Variants in LDLRAD4 observed in about 807,000 individuals in gnomAD.
LDLRAD4 encodes low-density lipoprotein receptor class A domain-containing protein 4.
In LDLRAD4, 5 loss-of-function variants were observed where a neutral mutation model predicts 17.0. That is an observed-to-expected ratio of 0.29 (90% confidence interval 0.15 to 0.62). The LOEUF (loss-of-function observed/expected upper bound fraction) is 0.62. Among genes scored for constraint, LDLRAD4 ranks in the 20% least tolerant of loss-of-function variants. The probability of loss-of-function intolerance (pLI) is 0.84; values close to 1 mark genes in which losing one functional copy is unlikely to be tolerated. For synonymous variants in LDLRAD4, 168 were observed against 171.8 expected, an observed-to-expected ratio of 0.98 and a Z score of 0.17; for missense variants, 340 against 424.7, an observed-to-expected ratio of 0.80 and a Z score of 1.75.
chr18:13,322,891 C>T (rs1042127001), intron 1 of LDLRAD4, among the ~76,000 whole-genome samples: 1 of 151,770 alleles, frequency 6.6e-6, no homozygotes, highest in African/African-American at 2.4e-5. Flanking sequence ...TCCCAAATTG[C>T]TGGCATTACA....
At chr18:13,224,475 T>G (rs367990767) in intron 1 of LDLRAD4, among the ~76,000 whole-genome samples, 81 of 2,458 alleles carry the variant, frequency 0.033, no homozygotes, top group African/African-American at 0.038. Flanking sequence ...TCTTTCTTTC[T>G]TTTTTTTTTT....
At position 13,251,469 on chromosome 18, in the gene LDLRAD4, A is replaced by G. The variant is rs146342871; in HGVS notation, c.-466-26636A>G. On this transcript the variant is annotated intron_variant, in intron 1 of 5. Coordinates refer to the LDLRAD4 transcript ENST00000399848. ...CAAATGACATGATCTTATATAGAGA[A>G]AAACCTGAAGACTCTACCAAAAAGC... 6.9e-3 allele frequency among the ~76,000 whole-genome samples: 1,045 copies of G among 152,316 alleles called. 11 individuals are homozygous for G. The highest frequency in any genetic ancestry group is 0.024 in the African/African-American group (996 of 41,580).
intron 1 of LDLRAD4, among the ~76,000 whole-genome samples, chr18:13,238,930 CA>C (rs935467149): frequency 2.6e-5 from 4 of 152,014 alleles, no homozygotes; most frequent in Admixed American, 2.6e-4. Flanking sequence ...CTCATGTCTG[CA>C]ATCCCAGCAC....
chr18:13,301,648 C>T (rs925005414), intron 1 of LDLRAD4, among the ~76,000 whole-genome samples: 1 of 152,222 alleles, frequency 6.6e-6, no homozygotes, highest in East Asian at 1.9e-4. Flanking sequence ...CATGCTCATG[C>T]ACTCTTTCCT....
chr18:13,376,045 G>T (rs933504881), intron 1 of LDLRAD4, among the ~76,000 whole-genome samples: 3 of 152,132 alleles, frequency 2.0e-5, no homozygotes, highest in Admixed American at 6.5e-5. Context: ...TCAAGTCCTC[G>T]TTCTTGCCGT....
At chr18:13,624,687 C>T (rs2040963368) in intron 4 of LDLRAD4, among the ~76,000 whole-genome samples, 2 of 152,364 alleles carry the variant, frequency 1.3e-5, no homozygotes, top group Middle Eastern at 3.4e-3. Flanking sequence ...TTCCAAGTTC[C>T]CCGCCTTCCC....
At chr18:13,269,856 C>T (rs2044426459) in intron 1 of LDLRAD4, among the ~76,000 whole-genome samples, 1 of 152,244 alleles carries the variant, frequency 6.6e-6, no homozygotes, top group Non-Finnish European at 1.5e-5. Context: ...TGTCCTCCAT[C>T]CTCCCATGTG....
At chr18:13,479,536 G>A (rs961786516) in intron 3 of LDLRAD4, among the ~76,000 whole-genome samples, 3 of 152,094 alleles carry the variant, frequency 2.0e-5, no homozygotes, top group Non-Finnish European at 2.9e-5. Flanking sequence ...CAGGAGAATC[G>A]CTTGAACCCG....
At chr18:13,546,903 G>A (rs1297866100) in intron 3 of LDLRAD4, among the ~76,000 whole-genome samples, 4 of 152,198 alleles carry the variant, frequency 2.6e-5, no homozygotes, top group Non-Finnish European at 5.9e-5. Context: ...GCTTGGAGAG[G>A]GGGTTTCACT....
intron 1 of LDLRAD4, among the ~76,000 whole-genome samples, chr18:13,348,296 G>T (rs1411267916): frequency 1.4e-4 from 22 of 152,152 alleles, no homozygotes; most frequent in Non-Finnish European, 2.9e-4. Context: ...TAATAGTCAG[G>T]ACCCTCAGCT....
At chr18:13,547,894 G>A (rs2094387378) in intron 3 of LDLRAD4, among the ~76,000 whole-genome samples, 1 of 152,152 alleles carries the variant, frequency 6.6e-6, no homozygotes, top group African/African-American at 2.4e-5. Flanking sequence ...TGTGTTTCAG[G>A]CCTGTTTGTG....
At chr18:13,432,089 C>G (rs988863219) in intron 2 of LDLRAD4, among the ~76,000 whole-genome samples, 1 of 152,208 alleles carries the variant, frequency 6.6e-6, no homozygotes, top group African/African-American at 2.4e-5. Flanking sequence ...CACGCCGGTG[C>G]AGTCTCGCAG....
chr18:13,265,686 A>T (rs553319923), intron 1 of LDLRAD4, among the ~76,000 whole-genome samples: 1 of 152,008 alleles, frequency 6.6e-6, no homozygotes, highest in Admixed American at 6.5e-5. Context: ...GTTTCCGAGG[A>T]CTTGTCACTC....
chr18:13,296,083 C>T (rs1303563668), intron 1 of LDLRAD4, among the ~76,000 whole-genome samples: 4 of 152,360 alleles, frequency 2.6e-5, no homozygotes, highest in South Asian at 2.1e-4. Context: ...AGGGCTCCTG[C>T]GCCTGGCGGG....
chr18:13,620,994 C>G, intron 3 of LDLRAD4, 123 bp from the exon 5 acceptor site: 1 of 1,368,194 alleles, frequency 7.3e-7, no homozygotes, highest in Admixed American at 1.8e-5. Flanking sequence ...TCCTGCTGGC[C>G]TCTGAGGAAC....
chr18:13,346,676 G>C (rs1267556794), intron 1 of LDLRAD4, among the ~76,000 whole-genome samples: 1 of 152,146 alleles, frequency 6.6e-6, no homozygotes, highest in Admixed American at 6.5e-5. Context: ...TGACAGTGGG[G>C]TGTTAAAGTC....
chr18:13,309,198 A>C (rs193013992), intron 1 of LDLRAD4, among the ~76,000 whole-genome samples: 24 of 152,348 alleles, frequency 1.6e-4, no homozygotes, highest in African/African-American at 5.3e-4. Flanking sequence ...TGCCCTGCAC[A>C]CCATGGCGTG....
chr18:13,290,054 C>T (rs1369944350), intron 1 of LDLRAD4, among the ~76,000 whole-genome samples: 1 of 152,126 alleles, frequency 6.6e-6, no homozygotes, highest in East Asian at 1.9e-4. Context: ...TGGGGCTGTA[C>T]CCTGTGGGGA....
chr18:13,233,807 C>G (rs2042199818), intron 1 of LDLRAD4, among the ~76,000 whole-genome samples: 1 of 152,080 alleles, frequency 6.6e-6, no homozygotes, highest in Admixed American at 6.5e-5. Context: ...CTACACCTAC[C>G]TGCCTACCGG....
Sources: allele counts gnomAD v4.1 joint callset (sites outside exome capture counted in the v4.1 genomes callset), GRCh38; gene constraint gnomAD v4.1.1; transcripts MANE v1.5; gene names NCBI Gene and HGNC (gene_info 2026-07-23, HGNC 2026-07-21).